LUZP2: variants seen among roughly 807,000 people sequenced by gnomAD.
LUZP2 encodes the protein leucine zipper protein 2.
A neutral mutation model predicts 51.6 loss-of-function variants in LUZP2; 52 were observed. The observed-to-expected ratio is 1.01, with a 90% CI of 0.81 to 1.27. The LOEUF (loss-of-function observed/expected upper bound fraction) is 1.27. LUZP2 is among the 50% of genes most tolerant of loss of function. The pLI, the probability that LUZP2 is intolerant of heterozygous loss-of-function variation, is 0.00. For synonymous variants in LUZP2, 154 were observed against 137.3 expected (o/e 1.12, Z -0.85); for missense variants, 436 against 395.4 (o/e 1.10, Z -0.87).
At chr11:24,556,812 A>AC (rs1449462831) in intron 1 of LUZP2, among the ~76,000 whole-genome samples, 1 of 152,016 alleles carries the variant, frequency 6.6e-6, no homozygotes, top group Admixed American at 6.6e-5. Flanking sequence ...TCTGTCTTGC[A>AC]CCCTCAACAC....
intron 4 of LUZP2, among the ~76,000 whole-genome samples, chr11:24,746,829 C>T (rs770230984): frequency 7.9e-5 from 12 of 152,102 alleles, no homozygotes; most frequent in African/African-American, 1.2e-4. Flanking sequence ...CTTTCTTCTA[C>T]GGGTTCAATT....
At chr11:24,584,222 C>G (rs754583395) in intron 1 of LUZP2, among the ~76,000 whole-genome samples, 2 of 152,108 alleles carry the variant, frequency 1.3e-5, no homozygotes, top group Non-Finnish European at 2.9e-5. Context: ...AGCCTGCCAG[C>G]TTCTTTGTAT....
chr11:24,499,239 C>T (rs1186424229), intron 1 of LUZP2, among the ~76,000 whole-genome samples: 1 of 152,100 alleles, frequency 6.6e-6, no homozygotes, highest in Non-Finnish European at 1.5e-5. Flanking sequence ...TAATAAGTAG[C>T]ATATCTTATT....
At chr11:24,788,878 C>T (rs557127648) in intron 5 of LUZP2, among the ~76,000 whole-genome samples, 1 of 152,152 alleles carries the variant, frequency 6.6e-6, no homozygotes, top group South Asian at 2.1e-4. Flanking sequence ...ACAAGGCCCA[C>T]CCACATTATG....
intron 1 of LUZP2, among the ~76,000 whole-genome samples, chr11:24,513,282 C>G (rs1220341545): frequency 6.6e-6 from 1 of 152,028 alleles, no homozygotes; most frequent in Non-Finnish European, 1.5e-5. Flanking sequence ...TTTTTGGATT[C>G]ACAAAAGACT....
In LUZP2 at chr11:24,840,241, C is replaced by T. The variant is rs566543586; in HGVS notation, c.397-65750C>T. 8.1e-4 allele frequency among the ~76,000 whole-genome samples: 123 copies of T among 151,846 alleles called. 12 individuals carry two copies. The highest frequency in any genetic ancestry group is 1.9e-3 in the East Asian group (10 of 5,170). On this transcript the variant is annotated intron_variant, in intron 5 of 11. Transcript: ENST00000336930. Reference sequence around the variant, plus strand: ...TTTCTTCTTATGTCTATACCTTCCACGCTTAGGCTTAAAACATAGTAACAT... The same window carrying T: ...TTTCTTCTTATGTCTATACCTTCCATGCTTAGGCTTAAAACATAGTAACAT...
At chr11:24,977,481 A>G (rs1298339502) in intron 8 of LUZP2, among the ~76,000 whole-genome samples, 1 of 151,702 alleles carries the variant, frequency 6.6e-6, no homozygotes, top group Non-Finnish European at 1.5e-5. Context: ...GGGGAAAAAC[A>G]GTAAAATAAC....
chr11:24,763,797 T>A (rs1860078394), intron 5 of LUZP2, among the ~76,000 whole-genome samples: 1 of 152,158 alleles, frequency 6.6e-6, no homozygotes. Context: ...CTGCATACAT[T>A]TTTCTTCTTT....
At chr11:24,590,669 C>T (rs1460497494) in intron 1 of LUZP2, among the ~76,000 whole-genome samples, 1 of 152,096 alleles carries the variant, frequency 6.6e-6, no homozygotes, top group Non-Finnish European at 1.5e-5. Context: ...TGCCTTAATA[C>T]TAAATGTAGC....
intron 5 of LUZP2, among the ~76,000 whole-genome samples, chr11:24,858,750 C>A (rs1235282996): frequency 6.6e-6 from 1 of 152,094 alleles, no homozygotes; most frequent in Non-Finnish European, 1.5e-5. Flanking sequence ...TGGTGCTGAG[C>A]TGGCACTATT....
chr11:24,872,727 A>C (rs981838929), intron 5 of LUZP2, among the ~76,000 whole-genome samples: 1 of 152,148 alleles, frequency 6.6e-6, no homozygotes, highest in Non-Finnish European at 1.5e-5. Context: ...ACATATGACT[A>C]TATGGCATAT....
intron 1 of LUZP2, among the ~76,000 whole-genome samples, chr11:24,508,971 C>T (rs916043127): frequency 6.6e-6 from 1 of 151,974 alleles, no homozygotes; most frequent in Non-Finnish European, 1.5e-5. Context: ...TAAAAGTTAG[C>T]AATAAAATTT....
At chr11:25,055,896 A>G (rs896662339) in intron 10 of LUZP2, among the ~76,000 whole-genome samples, 13 of 152,108 alleles carry the variant, frequency 8.5e-5, no homozygotes, top group Non-Finnish European at 1.9e-4. Context: ...GCTTAATATA[A>G]CTCATCCAAA....
intron 1 of LUZP2, among the ~76,000 whole-genome samples, chr11:24,684,438 C>A (rs1410919194): frequency 6.6e-6 from 1 of 152,102 alleles, no homozygotes; most frequent in African/African-American, 2.4e-5. Context: ...TGTAGTGTTC[C>A]TTCTGTCCTA....
At chr11:24,699,483 A>G (rs1857354990) in intron 1 of LUZP2, among the ~76,000 whole-genome samples, 1 of 152,126 alleles carries the variant, frequency 6.6e-6, no homozygotes, top group Non-Finnish European at 1.5e-5. Context: ...AGAAAAATGA[A>G]TATATCAGAT....
At position 24,914,472 on chromosome 11, in the gene LUZP2, A is replaced by G; in HGVS notation, c.460-4A>G. On this transcript the variant is annotated splice_region_variant and splice_polypyrimidine_tract_variant and intron_variant, in intron 6 of 11. Transcript: ENST00000336930. Reference sequence around the variant, plus strand: ...CACAACTTATCCATGTTTTTGCCTTACAGTCAAAAAAAATCCAAGCCCAGC... The same window carrying G: ...CACAACTTATCCATGTTTTTGCCTTGCAGTCAAAAAAAATCCAAGCCCAGC... The G allele has an allele frequency of 6.2e-7, 1 of 1,601,392 alleles. No individual in the cohort carries two copies. Among genetic ancestry groups the G allele is most frequent in the Non-Finnish European group, 8.5e-7 (1 of 1,172,774 alleles).
intron 1 of LUZP2, among the ~76,000 whole-genome samples, chr11:24,527,038 C>A (rs1315689848): frequency 6.6e-6 from 1 of 151,290 alleles, no homozygotes; most frequent in Non-Finnish European, 1.5e-5. Context: ...TTTTTATTAT[C>A]TTTATTTCAA....
intron 1 of LUZP2, among the ~76,000 whole-genome samples, chr11:24,663,984 T>A (rs1336724746): frequency 6.6e-6 from 1 of 152,148 alleles, no homozygotes; most frequent in Non-Finnish European, 1.5e-5. Flanking sequence ...CAGTCTTGGG[T>A]ATGTCTTCAT....
intron 1 of LUZP2, among the ~76,000 whole-genome samples, chr11:24,641,005 A>C: frequency 8.5e-6 from 1 of 118,212 alleles, no homozygotes; most frequent in South Asian, 2.8e-4. Flanking sequence ...ATAGATATAG[A>C]TATAGATATA....
Sources: gnomAD v4.1 joint callset for allele counts (sites outside exome capture counted in the v4.1 genomes callset) on GRCh38, gnomAD v4.1.1 for gene constraint, MANE v1.5 for transcripts, NCBI Gene and HGNC (gene_info 2026-07-23, HGNC 2026-07-21) for gene names.